TENM3: variants seen among roughly 807,000 people sequenced by gnomAD.
TENM3 encodes teneurin-3.
TENM3 carries 63 observed loss-of-function variants against 255.1 expected under a neutral mutation model. The ratio of observed to expected loss-of-function variants is 0.25; its 90% CI spans 0.20 to 0.30. The LOEUF (loss-of-function observed/expected upper bound fraction) is 0.30, where lower values mean the gene tolerates loss of function less well. Ranked by LOEUF, TENM3 falls within the 10% of genes least tolerant of loss-of-function variation. The pLI, the probability that TENM3 is intolerant of heterozygous loss-of-function variation, is 1.00. For synonymous variants in TENM3, 1,306 were observed against 1,322.3 expected (o/e 0.99, Z 0.27); for missense variants, 2,929 against 3,461.1 (o/e 0.85, Z 3.86).
At chr4:182,629,628 A>G (rs1040905462) in intron 5 of TENM3, among the ~76,000 whole-genome samples, 9 of 152,194 alleles carry the variant, frequency 5.9e-5, no homozygotes, top group African/African-American at 1.9e-4. Flanking sequence ...GAAAAGGCCT[A>G]CCACATTGAA....
Position 182,722,719 on chromosome 4 carries a change from T to C in TENM3, c.2369-6246T>C, listed in dbSNP as rs557345370. ...TCAGATTTGGTTTCTCTAAGGGTAC[T>C]CTGGCTAACATGTAGAGAATGGATA... On this transcript the variant is annotated intron_variant, in intron 13 of 27. Transcript: ENST00000511685. 3.3e-5 allele frequency among the ~76,000 whole-genome samples: 5 copies of C among 152,356 alleles called. No individual in the cohort carries two copies. The South Asian group carries it at 8.3e-4, about 25-fold the overall frequency.
At chr4:182,516,654 G>A (rs1261448905) in intron 3 of TENM3, among the ~76,000 whole-genome samples, 3 of 152,204 alleles carry the variant, frequency 2.0e-5, no homozygotes, top group Non-Finnish European at 4.4e-5. Context: ...ACTTTGGGAG[G>A]CTGAGGCGAG....
the TENM3 span, among the ~76,000 whole-genome samples, chr4:181,467,425 G>A: frequency 5.3e-5 from 8 of 151,586 alleles, no homozygotes; most frequent in Non-Finnish European, 7.4e-5. Context: ...GTGAGCCACC[G>A]CACCCGGCCT....
At chr4:182,593,813 A>G (rs556357575) in intron 3 of TENM3, among the ~76,000 whole-genome samples, 2 of 152,236 alleles carry the variant, frequency 1.3e-5, no homozygotes, top group East Asian at 1.9e-4. Context: ...AGATATTTTC[A>G]TCTCACAGCA....
chr4:182,653,291 T>G (rs1514473), intron 5 of TENM3, among the ~76,000 whole-genome samples: 1 of 152,156 alleles, frequency 6.6e-6, no homozygotes, highest in Non-Finnish European at 1.5e-5. Flanking sequence ...CTGAATTTCA[T>G]GTACCAACAA....
the TENM3 span, among the ~76,000 whole-genome samples, chr4:181,630,815 T>C: frequency 5.9e-5 from 9 of 152,172 alleles, no homozygotes; most frequent in Non-Finnish European, 8.8e-5. Flanking sequence ...GTATATTCTG[T>C]TGATTTGGGG....
chr4:181,452,591 C>T, the TENM3 span, among the ~76,000 whole-genome samples: 1 of 152,116 alleles, frequency 6.6e-6, no homozygotes, highest in Non-Finnish European at 1.5e-5. Flanking sequence ...TTCCTGAGGC[C>T]TCCCCAGCCA....
chr4:182,093,781 C>G, the TENM3 span, among the ~76,000 whole-genome samples: 6 of 152,130 alleles, frequency 3.9e-5, no homozygotes, highest in African/African-American at 1.2e-4. Flanking sequence ...ACGACAGGGT[C>G]CCTCCAGGGC....
chr4:182,499,071 A>G (rs1736075810), intron 3 of TENM3, among the ~76,000 whole-genome samples: 2 of 152,194 alleles, frequency 1.3e-5, no homozygotes, highest in South Asian at 2.1e-4. Context: ...AAATAAAGGC[A>G]TAGAGTTTTT....
At chr4:182,207,587 T>C (rs1403085568) in intron 1 of TENM3, among the ~76,000 whole-genome samples, 1 of 152,204 alleles carries the variant, frequency 6.6e-6, no homozygotes, top group Non-Finnish European at 1.5e-5. Flanking sequence ...AGCTGCCAGC[T>C]AAGTAACTTA....
At chr4:182,758,388 T>C in intron 22 of TENM3, among the ~76,000 whole-genome samples, 1 of 152,182 alleles carries the variant, frequency 6.6e-6, no homozygotes, top group East Asian at 1.9e-4. Context: ...AAGCACTGTC[T>C]GTGTTCAGAC....
chr4:181,839,924 C>T, the TENM3 span, among the ~76,000 whole-genome samples: 3 of 151,844 alleles, frequency 2.0e-5, no homozygotes, highest in Non-Finnish European at 2.9e-5. Flanking sequence ...AATTGATTGA[C>T]GTCTTTTCAA....
intron 2 of TENM3, among the ~76,000 whole-genome samples, chr4:182,327,392 C>G (rs1763480439): frequency 6.6e-6 from 1 of 152,186 alleles, no homozygotes; most frequent in Non-Finnish European, 1.5e-5. Flanking sequence ...GGAAATGCAA[C>G]TTCGGCTGGA....
chr4:182,551,126 G>T (rs1439536475), intron 3 of TENM3, among the ~76,000 whole-genome samples: 2 of 151,828 alleles, frequency 1.3e-5, no homozygotes, highest in Non-Finnish European at 2.9e-5. Flanking sequence ...GGAGACTGAG[G>T]CAGGAGGATC....
intron 3 of TENM3, among the ~76,000 whole-genome samples, 183 bp downstream of exon 3, chr4:182,347,112 T>C (rs550809896): frequency 2.7e-4 from 41 of 151,720 alleles, no homozygotes; most frequent in East Asian, 2.5e-3. Context: ...ATAATGCATT[T>C]TTTCCTGGAA....
At chr4:182,024,889 A>C in the TENM3 span, among the ~76,000 whole-genome samples, 10 of 151,896 alleles carry the variant, frequency 6.6e-5, no homozygotes, top group African/African-American at 2.2e-4. Flanking sequence ...CCATAAGTTC[A>C]ATCTTTTTGA....
At chr4:182,154,731 A>C (rs1188256256) in intron 1 of TENM3, among the ~76,000 whole-genome samples, 1 of 152,184 alleles carries the variant, frequency 6.6e-6, no homozygotes, top group Non-Finnish European at 1.5e-5. Flanking sequence ...TAATATTGAA[A>C]GCAACTTGAG....
chr4:182,345,304 G>A (rs1460756391), intron 2 of TENM3, among the ~76,000 whole-genome samples: 2 of 152,090 alleles, frequency 1.3e-5, no homozygotes, highest in African/African-American at 2.4e-5. Flanking sequence ...ATTTATTTCC[G>A]AGAAGATTCA....
At chr4:181,491,992 A>C in the TENM3 span, among the ~76,000 whole-genome samples, 3 of 152,176 alleles carry the variant, frequency 2.0e-5, no homozygotes, top group Non-Finnish European at 4.4e-5. Flanking sequence ...AAGCAAATCT[A>C]TATTTGGCCA....
Sources: gnomAD v4.1 joint callset for allele counts (sites outside exome capture counted in the v4.1 genomes callset) on GRCh38, gnomAD v4.1.1 for gene constraint, MANE v1.5 for transcripts, NCBI Gene and HGNC (gene_info 2026-07-23, HGNC 2026-07-21) for gene names.